Variants in NEBL observed in about 807,000 individuals in gnomAD.
The protein encoded by NEBL is LIM and SH3 protein 2.
Under a neutral mutation model 140.2 loss-of-function variants are expected in NEBL, and 122 were observed. The observed-to-expected ratio is 0.87, with a 90% CI of 0.75 to 1.01. NEBL has a LOEUF of 1.01. NEBL is among the 50% of genes least tolerant of loss of function. The pLI, the probability that NEBL is intolerant of heterozygous loss-of-function variation, is 0.00. For synonymous variants in NEBL, 436 were observed against 398.9 expected, an observed-to-expected ratio of 1.09 and a Z score of -1.11; for missense variants, 1,365 against 1,231.3, an observed-to-expected ratio of 1.11 and a Z score of -1.62.
chr10:20,828,533 A>C lies in NEBL; in HGVS notation c.1773T>G (p.Ser591Arg), dbSNP rs1206155356. Residue 591 changes from serine to arginine, a missense_variant, in exon 17 of 28, where the codon AGT becomes AGG. Transcript: ENST00000377122. ...QRIKTTQQNI[S>R]AVFYKKEVGA... is the part of the protein sequence containing the mutation. ...AAAAGAAGTAATGGCTACTCACCGCACTAATGTTTTGTTGAGTTGTCTTAA... is the reference window on the plus strand; with the variant it reads ...AAAAGAAGTAATGGCTACTCACCGCCCTAATGTTTTGTTGAGTTGTCTTAA... 3.2e-6 allele frequency: 5 copies of C among 1,570,446 alleles called. No homozygotes were observed. The highest frequency in any genetic ancestry group is 1.1e-5 in the South Asian group (1 of 90,150).
intron 4 of NEBL, among the ~76,000 whole-genome samples, chr10:20,930,818 C>A (rs1423197450): frequency 6.6e-6 from 1 of 152,218 alleles, no homozygotes; most frequent in Non-Finnish European, 1.5e-5. Context: ...ACCCAAATCC[C>A]ATACCATAAG....
intron 4 of NEBL, among the ~76,000 whole-genome samples, chr10:20,951,932 A>AT (rs1013395860): frequency 2.6e-5 from 4 of 152,010 alleles, no homozygotes; most frequent in African/African-American, 9.7e-5. Context: ...TGTCCTGGAA[A>AT]TTTTTTTTCT....
At chr10:21,078,825 A>G (rs1261516497) in intron 2 of NEBL, among the ~76,000 whole-genome samples, 1 of 152,220 alleles carries the variant, frequency 6.6e-6, no homozygotes. Flanking sequence ...TAGAAGTTGC[A>G]GTCTTAGTGT....
At chr10:20,837,526 G>A (rs928933424) in intron 13 of NEBL, among the ~76,000 whole-genome samples, 2 of 152,218 alleles carry the variant, frequency 1.3e-5, no homozygotes, top group Non-Finnish European at 2.9e-5. Context: ...ATATGAAAGT[G>A]CAAGGTGAAG....
At chr10:21,039,004 T>C (rs1485770867) in intron 2 of NEBL, among the ~76,000 whole-genome samples, 2 of 151,830 alleles carry the variant, frequency 1.3e-5, no homozygotes, top group Non-Finnish European at 2.9e-5. Context: ...GCTGCACAAA[T>C]GTCTTCTTTT....
intron 3 of NEBL, among the ~76,000 whole-genome samples, chr10:21,181,322 G>A (rs1355447299): frequency 5.4e-5 from 8 of 149,528 alleles, no homozygotes; most frequent in Non-Finnish European, 1.2e-4. Flanking sequence ...GTATCCCGGA[G>A]CCTAAAGTAA....
At chr10:21,080,695 G>C (rs1486941785) in intron 2 of NEBL, among the ~76,000 whole-genome samples, 1 of 152,164 alleles carries the variant, frequency 6.6e-6, no homozygotes, top group Non-Finnish European at 1.5e-5. Context: ...CTTGGAAAGT[G>C]GTTCTAAAAA....
At chr10:21,015,118 A>T (rs1838502285) in intron 3 of NEBL, among the ~76,000 whole-genome samples, 2 of 152,176 alleles carry the variant, frequency 1.3e-5, no homozygotes, top group Admixed American at 1.3e-4. Context: ...AAGCACATAA[A>T]CAACTAAGTG....
intron 4 of NEBL, among the ~76,000 whole-genome samples, chr10:20,918,775 C>T (rs939095672): frequency 3.3e-5 from 5 of 151,720 alleles, no homozygotes; most frequent in South Asian, 4.2e-4. Flanking sequence ...GGTGTAAACC[C>T]GGGAGGTAGA....
chr10:21,186,988 ATGTGTGTGTGTGTG>A (rs35359446), intron 3 of NEBL, among the ~76,000 whole-genome samples: 13 of 141,984 alleles, frequency 9.2e-5, no homozygotes, highest in Non-Finnish European at 1.6e-4. Flanking sequence ...CCAACTCTGT[ATGTGTGTGTGTGTG>A]TGTGTGTGTG....
chr10:21,109,168 G>A (rs1255655524), intron 2 of NEBL, among the ~76,000 whole-genome samples: 4 of 152,018 alleles, frequency 2.6e-5, no homozygotes, highest in Non-Finnish European at 4.4e-5. Flanking sequence ...TTTGTGATAC[G>A]TTTCATCAAT....
intron 3 of NEBL, among the ~76,000 whole-genome samples, chr10:20,963,717 C>A (rs1836164729): frequency 6.6e-6 from 1 of 152,136 alleles, no homozygotes; most frequent in African/African-American, 2.4e-5. Flanking sequence ...AGGTTTTGAG[C>A]TGACTACTGT....
upstream of NEBL, among the ~76,000 whole-genome samples, chr10:20,901,299 C>T (rs1480791695): frequency 6.6e-6 from 1 of 152,058 alleles, no homozygotes; most frequent in Admixed American, 6.5e-5. Flanking sequence ...TCCTTAGCAA[C>T]TGTCAGGTGG....
intron 2 of NEBL, among the ~76,000 whole-genome samples, chr10:21,120,782 C>A (rs184363887): frequency 6.6e-6 from 1 of 150,976 alleles, no homozygotes; most frequent in East Asian, 2.0e-4. Flanking sequence ...GAAGAACACA[C>A]GCCCAAGTGA....
chr10:20,819,609 C>T, intron 19 of NEBL, 93 bp from the exon 20 acceptor site: 2 of 1,411,396 alleles, frequency 1.4e-6, no homozygotes, highest in East Asian at 2.3e-5. Flanking sequence ...CACATGGCTA[C>T]AGAACATTCA....
At chr10:20,996,690 T>C (rs537388453) in intron 3 of NEBL, among the ~76,000 whole-genome samples, 25 of 152,336 alleles carry the variant, frequency 1.6e-4, no homozygotes, top group African/African-American at 5.3e-4. Context: ...AATGTGAAGC[T>C]ATTAAACTGC....
At chr10:21,177,289 T>G (rs1420221457), upstream of NEBL, among the ~76,000 whole-genome samples, 1 of 152,254 alleles carries the variant, frequency 6.6e-6, no homozygotes, top group Non-Finnish European at 1.5e-5. Flanking sequence ...TTTCTTTGAC[T>G]TTTGTTCAAG....
intron 26 of NEBL, among the ~76,000 whole-genome samples, chr10:20,797,827 T>C (rs947988498): frequency 3.3e-5 from 5 of 151,938 alleles, no homozygotes; most frequent in African/African-American, 4.8e-5. Context: ...AATATAGACA[T>C]GGTGGTTCCA....
At chr10:21,073,991 C>T (rs1373656240) in intron 2 of NEBL, among the ~76,000 whole-genome samples, 1 of 151,940 alleles carries the variant, frequency 6.6e-6, no homozygotes, top group Non-Finnish European at 1.5e-5. Flanking sequence ...AGGAGGATGG[C>T]GTGAATCCGG....
Sources: gnomAD v4.1 joint callset for allele counts (sites outside exome capture counted in the v4.1 genomes callset) on GRCh38, gnomAD v4.1.1 for gene constraint, MANE v1.5 for transcripts, NCBI Gene and HGNC (gene_info 2026-07-23, HGNC 2026-07-21) for gene names.